PLGRKT: variants seen among roughly 807,000 people sequenced by gnomAD.
PLGRKT encodes the protein plasminogen receptor (KT).
A neutral mutation model predicts 18.5 loss-of-function variants in PLGRKT; 22 were observed. That is an observed-to-expected ratio of 1.19 (90% confidence interval 0.85 to 1.70). PLGRKT has a LOEUF of 1.70. Ranked by LOEUF, PLGRKT falls within the 40% of genes most tolerant of loss-of-function variation. The probability of loss-of-function intolerance (pLI) is 0.00; values close to 1 mark genes in which losing one functional copy is unlikely to be tolerated. For missense variants in PLGRKT, 235 were observed against 174.4 expected, an observed-to-expected ratio of 1.35 and a Z score of -1.96; for synonymous variants, 72 against 52.8, an observed-to-expected ratio of 1.36 and a Z score of -1.58.
chr9:5,414,519 C>T, intron 3 of PLGRKT, among the ~76,000 whole-genome samples: 1 of 152,092 alleles, frequency 6.6e-6, no homozygotes, highest in East Asian at 1.9e-4. Context: ...TCATATACTC[C>T]TCAGCACTAT....
chr9:5,423,175 G>A (rs1297221744), intron 3 of PLGRKT, among the ~76,000 whole-genome samples: 1 of 152,108 alleles, frequency 6.6e-6, no homozygotes, highest in East Asian at 1.9e-4. Flanking sequence ...AATATTGAAA[G>A]TGTTTGTTGT....
At chr9:5,362,429 G>T (rs1401208224) in intron 3 of PLGRKT, among the ~76,000 whole-genome samples, 46 of 152,110 alleles carry the variant, frequency 3.0e-4, no homozygotes, top group Non-Finnish European at 5.9e-5. Context: ...ACTTTGTTCA[G>T]TGCCTTTCAC....
intron 3 of PLGRKT, among the ~76,000 whole-genome samples, chr9:5,410,488 G>C (rs1277258181): frequency 7.6e-6 from 1 of 130,998 alleles, no homozygotes; most frequent in East Asian, 2.1e-4. Flanking sequence ...AACAGAGCAA[G>C]ACTCTGTCTC....
chr9:5,402,881 T>A (rs996117921), intron 3 of PLGRKT, among the ~76,000 whole-genome samples: 2 of 151,866 alleles, frequency 1.3e-5, no homozygotes, highest in African/African-American at 4.9e-5. Context: ...AGTTGTAAAG[T>A]AAATACTAAG....
At chr9:5,436,973 T>TA (rs3215707) in intron 1 of PLGRKT, among the ~76,000 whole-genome samples, 71 of 151,634 alleles carry the variant, frequency 4.7e-4, no homozygotes, top group African/African-American at 1.4e-3. Flanking sequence ...TCACCAGGGG[T>TA]AAAAAAAAAT....
At chr9:5,368,587 G>A (rs1391239121) in intron 3 of PLGRKT, among the ~76,000 whole-genome samples, 2 of 152,164 alleles carry the variant, frequency 1.3e-5, no homozygotes, top group Non-Finnish European at 2.9e-5. Context: ...ACTAGAAGGG[G>A]TAGAGGGGGA....
intron 3 of PLGRKT, among the ~76,000 whole-genome samples, chr9:5,408,754 C>T (rs1818304885): frequency 6.6e-6 from 1 of 152,252 alleles, no homozygotes; most frequent in South Asian, 2.1e-4. Context: ...CCTCCCATCA[C>T]AGGCCCAGAG....
At chr9:5,378,065 C>A (rs1266162413) in intron 3 of PLGRKT, among the ~76,000 whole-genome samples, 2 of 152,146 alleles carry the variant, frequency 1.3e-5, no homozygotes, top group Non-Finnish European at 2.9e-5. Context: ...GTTGCACATT[C>A]CAAAAGGCCC....
intron 5 of PLGRKT, among the ~76,000 whole-genome samples, chr9:5,358,634 C>T (rs73639287): frequency 0.035 from 5,334 of 152,192 alleles, 301 homozygotes; most frequent in African/African-American, 0.12. Context: ...TTCCCTTGAA[C>T]CAAAGTCAGG....
rs915244168 is a variant in PLGRKT, at chr9:5,379,312, CA to C, written c.82-17425del. On this transcript the variant is annotated intron_variant, in intron 3 of 5. Transcript: ENST00000223864. ...AGATTTCCTTGGAGAGGAAAATATA[CA>C]AAAAAAGAAAACTTTGAAAATTGTC... is the stretch of plus-strand genomic sequence containing the variant. Among the ~76,000 whole-genome samples, 17 of 151,868 alleles carry C rather than the reference CA, an allele frequency of 1.1e-4. 1 individual carries two copies. In the East Asian group the frequency reaches 2.5e-3, roughly 22 times the overall value.
chr9:5,374,913 T>C (rs1817599305), intron 3 of PLGRKT, among the ~76,000 whole-genome samples: 1 of 152,170 alleles, frequency 6.6e-6, no homozygotes, highest in Admixed American at 6.5e-5. Context: ...TGCTATTATG[T>C]TCTGATTTGT....
chr9:5,405,707 T>C (rs906610478), intron 3 of PLGRKT, among the ~76,000 whole-genome samples: 1 of 152,222 alleles, frequency 6.6e-6, no homozygotes, highest in Non-Finnish European at 1.5e-5. Context: ...GGCAAAGATT[T>C]TATGATGAAA....
chr9:5,398,423 C>A (rs978158253), intron 3 of PLGRKT, among the ~76,000 whole-genome samples: 2 of 151,928 alleles, frequency 1.3e-5, no homozygotes, highest in African/African-American at 4.9e-5. Flanking sequence ...GTTAAGCCAA[C>A]CAAGTGACAC....
chr9:5,436,225 G>C (rs570955424), intron 2 of PLGRKT, among the ~76,000 whole-genome samples: 2 of 152,172 alleles, frequency 1.3e-5, no homozygotes, highest in East Asian at 1.9e-4. Flanking sequence ...GGTTAGGAGC[G>C]AGATATTATC....
intron 3 of PLGRKT, among the ~76,000 whole-genome samples, chr9:5,405,916 A>C (rs1041766817): frequency 2.0e-5 from 3 of 152,202 alleles, no homozygotes; most frequent in African/African-American, 7.2e-5. Flanking sequence ...TTACAAGAAA[A>C]AAACAAACAA....
chr9:5,401,013 G>A (rs968654134), intron 3 of PLGRKT, among the ~76,000 whole-genome samples: 2 of 151,852 alleles, frequency 1.3e-5, no homozygotes, highest in African/African-American at 2.4e-5. Flanking sequence ...TCTTAAGATA[G>A]TTGGCTTAAA....
At chr9:5,373,238 C>T (rs543601121) in intron 3 of PLGRKT, among the ~76,000 whole-genome samples, 56 of 152,274 alleles carry the variant, frequency 3.7e-4, no homozygotes, top group African/African-American at 1.3e-3. Flanking sequence ...GCATTTTATG[C>T]CCCTATCCAC....
intron 3 of PLGRKT, among the ~76,000 whole-genome samples, chr9:5,363,394 T>G (rs1817311480): frequency 6.6e-6 from 1 of 151,452 alleles, no homozygotes; most frequent in Non-Finnish European, 1.5e-5. Flanking sequence ...CACTCCCAAG[T>G]GTGTGTTATG....
intron 3 of PLGRKT, among the ~76,000 whole-genome samples, chr9:5,376,147 A>T (rs1817622561): frequency 6.6e-6 from 1 of 152,216 alleles, no homozygotes; most frequent in Non-Finnish European, 1.5e-5. Context: ...AGTCAAATTA[A>T]TAGAGAGAGA....
Sources: gnomAD v4.1 joint callset for allele counts (sites outside exome capture counted in the v4.1 genomes callset) on GRCh38, gnomAD v4.1.1 for gene constraint, MANE v1.5 for transcripts, NCBI Gene and HGNC (gene_info 2026-07-23, HGNC 2026-07-21) for gene names.